Variants in KCNIP3 observed in about 807,000 individuals in gnomAD.
The protein encoded by KCNIP3 is potassium voltage-gated channel interacting protein 3, also known as calsenilin.
KCNIP3 carries 28 observed loss-of-function variants against 35.0 expected under a neutral mutation model. That is an observed-to-expected ratio of 0.80 (90% CI 0.59 to 1.10). The LOEUF (loss-of-function observed/expected upper bound fraction) is 1.10, where lower values mean the gene tolerates loss of function less well. KCNIP3 is among the 50% of genes least tolerant of loss of function. KCNIP3 has a pLI of 0.00. For missense variants in KCNIP3, 295 were observed against 338.4 expected (o/e 0.87, Z 1.01); for synonymous variants, 134 against 133.8 (o/e 1.00, Z -0.01).
At chr2:95,351,023 C>G (rs1679505503) in intron 2 of KCNIP3, among the ~76,000 whole-genome samples, 2 of 152,228 alleles carry the variant, frequency 1.3e-5, no homozygotes, top group Non-Finnish European at 1.5e-5. Context: ...GACAGGGGCT[C>G]TGGGTCAGCA....
intron 1 of KCNIP3, among the ~76,000 whole-genome samples, chr2:95,305,246 C>T (rs1372336286): frequency 6.6e-6 from 1 of 152,212 alleles, no homozygotes; most frequent in Non-Finnish European, 1.5e-5. Context: ...TTTGATCATT[C>T]GTGAATATTT....
intron 5 of KCNIP3, 49 bp downstream of exon 5, chr2:95,375,257 G>C: frequency 1.3e-6 from 2 of 1,544,430 alleles, no homozygotes; most frequent in Non-Finnish European, 1.8e-6. Flanking sequence ...GTGGTTGCAG[G>C]AGTGAATCCT....
chr2:95,368,604 C>A (rs2104293676), intron 2 of KCNIP3: 1 of 378,118 alleles, frequency 2.6e-6, no homozygotes, highest in Non-Finnish European at 5.3e-6. Context: ...TCTTTGCCAT[C>A]CCGTTTCTGT....
intron 2 of KCNIP3, among the ~76,000 whole-genome samples, chr2:95,331,131 C>T (rs1221775723): frequency 6.6e-6 from 1 of 152,006 alleles, no homozygotes; most frequent in African/African-American, 2.4e-5. Flanking sequence ...GAGGCTGAGC[C>T]CGAGGGGTAG....
intron 2 of KCNIP3, among the ~76,000 whole-genome samples, chr2:95,335,268 A>G (rs1450415024): frequency 6.6e-6 from 1 of 152,240 alleles, no homozygotes; most frequent in Non-Finnish European, 1.5e-5. Context: ...GTATCTACTA[A>G]TGATATATTC....
intron 2 of KCNIP3, among the ~76,000 whole-genome samples, chr2:95,350,681 C>G (rs1231492300): frequency 1.3e-5 from 2 of 151,998 alleles, no homozygotes; most frequent in Non-Finnish European, 2.9e-5. Flanking sequence ...TGGGTGGAGC[C>G]GAGTGAGTGA....
intron 2 of KCNIP3, among the ~76,000 whole-genome samples, chr2:95,326,922 C>G (rs1325836067): frequency 6.6e-6 from 1 of 152,208 alleles, no homozygotes; most frequent in Non-Finnish European, 1.5e-5. Context: ...CCCCCAGCAC[C>G]CGCACCTCAT....
At chr2:95,301,854 G>A (rs1049878441) in intron 1 of KCNIP3, among the ~76,000 whole-genome samples, 1 of 146,896 alleles carries the variant, frequency 6.8e-6, no homozygotes, top group African/African-American at 2.5e-5. Context: ...GCCCAGGGCT[G>A]TGTGTGTGTG....
chr2:95,370,224 A>G (rs1303729238), intron 2 of KCNIP3, among the ~76,000 whole-genome samples: 1 of 152,206 alleles, frequency 6.6e-6, no homozygotes, highest in Non-Finnish European at 1.5e-5. Flanking sequence ...TAGGCAATGG[A>G]TTATATTGTT....
chr2:95,359,101 G>A (rs1159675591), intron 2 of KCNIP3, among the ~76,000 whole-genome samples: 1 of 152,118 alleles, frequency 6.6e-6, no homozygotes, highest in East Asian at 1.9e-4. Context: ...CCCACCCCTG[G>A]AAAATTCATG....
chr2:95,322,791 G>C (rs866728118), intron 2 of KCNIP3, among the ~76,000 whole-genome samples: 3 of 152,208 alleles, frequency 2.0e-5, no homozygotes, highest in Non-Finnish European at 4.4e-5. Context: ...TCCTGTTCAC[G>C]GGACGGGGCC....
At chr2:95,360,227 CAT>C (rs1679759269) in intron 2 of KCNIP3, among the ~76,000 whole-genome samples, 1 of 150,670 alleles carries the variant, frequency 6.6e-6, no homozygotes, top group Non-Finnish European at 1.5e-5. Flanking sequence ...CTTCCATAAA[CAT>C]AAAGCCACTG....
chr2:95,297,390 C>G lies in KCNIP3; in HGVS notation c.-49C>G. The G allele has an allele frequency of 6.5e-7, 1 of 1,545,338 alleles. No individual in the cohort carries two copies. On this transcript the variant is annotated 5_prime_UTR_variant, in exon 1 of 9. Transcript: ENST00000295225. ...AGCCGGCCTGGGCAGTCTTGTCTGCCTCGGCTGTGAAGTGGGGAGGCTGGC... is the reference window on the plus strand; with the variant it reads ...AGCCGGCCTGGGCAGTCTTGTCTGCGTCGGCTGTGAAGTGGGGAGGCTGGC...
intron 2 of KCNIP3, among the ~76,000 whole-genome samples, chr2:95,322,169 A>G (rs1034589999): frequency 2.0e-5 from 3 of 152,138 alleles, no homozygotes; most frequent in African/African-American, 7.2e-5. Flanking sequence ...GTTCGAGACC[A>G]GCTTGGGCAC....
chr2:95,305,921 T>C (rs1573478232), intron 1 of KCNIP3, among the ~76,000 whole-genome samples: 1 of 152,366 alleles, frequency 6.6e-6, no homozygotes, highest in Admixed American at 6.5e-5. Context: ...GCTTCCAGTA[T>C]GGGGCCGTTC....
chr2:95,382,307 C>T lies in KCNIP3; in HGVS notation c.556-70C>T, dbSNP rs750043563. ...GGAGGTGCCCTGCACCCTTGGATGCCGCCCGCTCCCTTTGGGCCCTCACAG... is the reference window on the plus strand; with the variant it reads ...GGAGGTGCCCTGCACCCTTGGATGCTGCCCGCTCCCTTTGGGCCCTCACAG... On this transcript the variant is annotated intron_variant, in intron 6 of 8. Transcript: ENST00000295225. The surrounding 1 kb of genome is among the most constrained non-coding windows in gnomAD (Gnocchi z 4.5). The T allele has an allele frequency of 2.6e-5, 26 of 1,017,884 alleles. No homozygotes were observed. Among genetic ancestry groups the T allele is most frequent in the South Asian group, 3.4e-5 (2 of 58,284 alleles). The allele number at this position is 1,017,884 out of a possible 1,614,324, so 63.1% of individuals were successfully genotyped here.
chr2:95,333,465 C>T (rs952938130), intron 2 of KCNIP3, among the ~76,000 whole-genome samples: 2 of 152,216 alleles, frequency 1.3e-5, no homozygotes, highest in African/African-American at 4.8e-5. Flanking sequence ...GACTCCTCTC[C>T]TGTGGTGGCC....
At chr2:95,334,451 C>G (rs1187578915) in intron 2 of KCNIP3, among the ~76,000 whole-genome samples, 1 of 152,228 alleles carries the variant, frequency 6.6e-6, no homozygotes, top group African/African-American at 2.4e-5. Flanking sequence ...TGAGGTCACA[C>G]AGCCTTGGAT....
At chr2:95,302,704 G>T (rs779972560) in intron 1 of KCNIP3, among the ~76,000 whole-genome samples, 5 of 152,142 alleles carry the variant, frequency 3.3e-5, no homozygotes, top group Non-Finnish European at 5.9e-5. Flanking sequence ...TCTCTGTCAG[G>T]GTCACCGAGC....
Sources: allele counts gnomAD v4.1 joint callset (sites outside exome capture counted in the v4.1 genomes callset), GRCh38; gene constraint gnomAD v4.1.1; non-coding constraint Gnocchi (gnomAD v3.1); transcripts MANE v1.5; gene names NCBI Gene and HGNC (gene_info 2026-07-23, HGNC 2026-07-21).